The following MGAT4D variants were observed in gnomAD, a reference collection of about 807,000 sequenced individuals.
The protein encoded by MGAT4D is MGAT4 family member D, also known as alpha-1,3-mannosyl-glycoprotein 4-beta-N-acetylglucosaminyltransferase-like protein MGAT4D.
MGAT4D carries 34 observed loss-of-function variants against 15.9 expected under a neutral mutation model. That is an observed-to-expected ratio of 2.14 (90% confidence interval 1.62 to 2.84). The LOEUF is 2.84. MGAT4D is among the 30% of genes most tolerant of loss of function. The probability of loss-of-function intolerance (pLI) is 0.00; values close to 1 mark genes in which losing one functional copy is unlikely to be tolerated. For synonymous variants in MGAT4D, 112 were observed against 48.2 expected (o/e 2.33, Z -5.49); for missense variants, 327 against 140.2 (o/e 2.33, Z -6.73).
At chr4:140,462,948 C>G (rs1731292960) in intron 6 of MGAT4D, among the ~76,000 whole-genome samples, 2 of 152,066 alleles carry the variant, frequency 1.3e-5, no homozygotes, top group Non-Finnish European at 2.9e-5. Context: ...AATTCACAAA[C>G]CCTTTGAAAG....
chr4:140,487,412 G>T (rs1733214762), intron 1 of MGAT4D, among the ~76,000 whole-genome samples: 1 of 152,126 alleles, frequency 6.6e-6, no homozygotes, highest in Non-Finnish European at 1.5e-5. Flanking sequence ...TCACAGCAAG[G>T]CTCCAAGGCA....
intron 1 of MGAT4D, among the ~76,000 whole-genome samples, chr4:140,484,605 C>T (rs1232546779): frequency 1.8e-4 from 28 of 152,108 alleles, no homozygotes; most frequent in African/African-American, 3.9e-4. Context: ...ACCATCAGAG[C>T]GAACAGGCAA....
At chr4:140,444,903 T>A (rs1300680804) in intron 10 of MGAT4D, among the ~76,000 whole-genome samples, 1 of 150,582 alleles carries the variant, frequency 6.6e-6, no homozygotes, top group Non-Finnish European at 1.5e-5. Flanking sequence ...TTTTTTGATA[T>A]GGAGTTCTGC....
At chr4:140,492,834 G>A (rs368680162) in intron 1 of MGAT4D, among the ~76,000 whole-genome samples, 3 of 152,086 alleles carry the variant, frequency 2.0e-5, no homozygotes, top group South Asian at 2.1e-4. Flanking sequence ...CTGAATAACC[G>A]AAAGTGACCA....
intron 3 of MGAT4D, among the ~76,000 whole-genome samples, chr4:140,476,448 G>A (rs1165867373): frequency 1.3e-5 from 2 of 152,074 alleles, no homozygotes; most frequent in Non-Finnish European, 2.9e-5. Flanking sequence ...TTTTCTAATA[G>A]TTTATTGTTT....
chr4:140,492,021 G>A (rs1031571625), intron 1 of MGAT4D, among the ~76,000 whole-genome samples: 2 of 152,136 alleles, frequency 1.3e-5, no homozygotes, highest in Admixed American at 6.5e-5. Context: ...TTGAATCTGA[G>A]TTCACCCTAT....
intron 5 of MGAT4D, among the ~76,000 whole-genome samples, chr4:140,470,706 T>A (rs1401947564): frequency 6.6e-6 from 1 of 152,152 alleles, no homozygotes; most frequent in African/African-American, 2.4e-5. Context: ...ATTTTCCCCC[T>A]GTCTGCCTGA....
intron 10 of MGAT4D, among the ~76,000 whole-genome samples, chr4:140,448,145 T>C (rs779646574): frequency 4.6e-5 from 7 of 152,198 alleles, no homozygotes; most frequent in Non-Finnish European, 8.8e-5. Flanking sequence ...GCATTCTTTC[T>C]TTCATTTTGA....
intron 6 of MGAT4D, among the ~76,000 whole-genome samples, chr4:140,464,692 A>G (rs924659437): frequency 4.6e-5 from 7 of 152,208 alleles, no homozygotes; most frequent in Admixed American, 3.3e-4. Flanking sequence ...CACGGTATAA[A>G]TACTCCTACT....
intron 5 of MGAT4D, among the ~76,000 whole-genome samples, chr4:140,466,083 G>A (rs765438546): frequency 1.3e-5 from 2 of 152,032 alleles, no homozygotes; most frequent in Non-Finnish European, 2.9e-5. Context: ...GTCTTGCCTC[G>A]CCTCCCAGTG....
chr4:140,452,748 A>G (rs532800692), intron 9 of MGAT4D, among the ~76,000 whole-genome samples: 13 of 152,258 alleles, frequency 8.5e-5, no homozygotes, highest in African/African-American at 2.6e-4. Context: ...CAGCACAAAA[A>G]TTTTTAATTT....
At chr4:140,473,868 AT>A (rs3086801) in intron 4 of MGAT4D, among the ~76,000 whole-genome samples, 9,809 of 147,134 alleles carry the variant, frequency 0.067, 357 homozygotes, top group South Asian at 0.11. Context: ...CTAGCTAAGC[AT>A]TTTTTTTTTT....
intron 7 of MGAT4D, among the ~76,000 whole-genome samples, chr4:140,460,639 C>G (rs960302498): frequency 6.6e-6 from 1 of 152,132 alleles, no homozygotes; most frequent in Non-Finnish European, 1.5e-5. Flanking sequence ...AGTTTGAGAC[C>G]AGCCTGGGCA....
rs61131099 is a variant in MGAT4D, at chr4:140,485,810, T to TAAAAAAA, written c.95-3332_95-3326dup. Among the ~76,000 whole-genome samples the TAAAAAAA allele has an allele frequency of 2.8e-3, 37 of 13,024 alleles. 9 individuals are homozygous for TAAAAAAA. Among genetic ancestry groups the TAAAAAAA allele is most frequent in the South Asian group, 7.1e-3 (2 of 282 alleles). The allele number at this position is 13,024 out of a possible 152,430, so 8.5% of individuals were successfully genotyped here. A position where few individuals can be genotyped will look rare whatever the true frequency, so the allele number is the denominator to read the frequency against. On this transcript the variant is annotated intron_variant, in intron 1 of 10. Coordinates refer to ENST00000511113, the MANE Select transcript of MGAT4D (RefSeq NM_001277353.2). Reference sequence around the variant, plus strand: ...TGAGCAACAGAGCAAGACCCTGTCTTAAAAAAAAAAAAAAAAAAAAAAAAA... The same window carrying TAAAAAAA: ...TGAGCAACAGAGCAAGACCCTGTCTTAAAAAAAAAAAAAAAAAAAAAAAAAAAAAAAA...
chr4:140,468,950 C>T (rs1196630541), intron 5 of MGAT4D, among the ~76,000 whole-genome samples: 2 of 152,112 alleles, frequency 1.3e-5, no homozygotes, highest in East Asian at 1.9e-4. Flanking sequence ...CCTCTTTGGT[C>T]TCAGTACTGT....
chr4:140,456,133 A>G (rs1730781262), intron 9 of MGAT4D, among the ~76,000 whole-genome samples: 4 of 152,166 alleles, frequency 2.6e-5, no homozygotes, highest in Admixed American at 2.6e-4. Flanking sequence ...ATGAGTCTCA[A>G]TAAATAAATA....
intron 1 of MGAT4D, among the ~76,000 whole-genome samples, chr4:140,494,023 G>A (rs1733675603): frequency 6.6e-6 from 1 of 152,148 alleles, no homozygotes; most frequent in Non-Finnish European, 1.5e-5. Context: ...GTAGCTAGCA[G>A]ATGACTAGGG....
chr4:140,448,246 T>C (rs1011886030), intron 10 of MGAT4D, among the ~76,000 whole-genome samples: 1 of 152,220 alleles, frequency 6.6e-6, no homozygotes, highest in Non-Finnish European at 1.5e-5. Flanking sequence ...AATGTTGTCC[T>C]CTCTAGCGAG....
intron 5 of MGAT4D, among the ~76,000 whole-genome samples, chr4:140,469,742 A>G (rs993799718): frequency 6.6e-6 from 1 of 152,092 alleles, no homozygotes. Flanking sequence ...GATTGCATTC[A>G]GGGTTTTTTG....
Sources: gnomAD v4.1 joint callset for allele counts (sites outside exome capture counted in the v4.1 genomes callset) on GRCh38, gnomAD v4.1.1 for gene constraint, MANE v1.5 for transcripts, NCBI Gene and HGNC (gene_info 2026-07-23, HGNC 2026-07-21) for gene names.